BRWD3: variants seen among roughly 807,000 people sequenced by gnomAD.
BRWD3 encodes bromodomain and WD repeat domain containing 3.
BRWD3 carries 10 observed loss-of-function variants against 149.7 expected under a neutral mutation model. That is an observed-to-expected ratio of 0.07 (90% CI 0.04 to 0.11). The LOEUF (loss-of-function observed/expected upper bound fraction) is 0.11, where lower values mean the gene tolerates loss of function less well. BRWD3 is among the 10% of genes least tolerant of loss of function. The probability of loss-of-function intolerance (pLI) is 1.00; values close to 1 mark genes in which losing one functional copy is unlikely to be tolerated. For missense variants in BRWD3, 940 were observed against 1,373.2 expected (o/e 0.68, Z 4.99); for synonymous variants, 504 against 456.7 (o/e 1.10, Z -1.32).
rs774623401 is a variant in BRWD3 at position 80,683,964 on chromosome X, T to C, written c.4233+46A>G. On this transcript the variant is annotated intron_variant, in intron 37 of 40. Coordinates refer to ENST00000373275, the MANE Select transcript of BRWD3 (RefSeq NM_153252.5). ...ATACTGAGGACCAATTTTCAGTAAC[T>C]GGTTAAAGAAAACTGCCTGATAATT... 3.4e-6 allele frequency: 4 copies of C among 1,165,652 alleles called. No individual in the cohort carries two copies. In the South Asian group the frequency reaches 7.2e-5, roughly 21 times the overall value.
chrX:80,792,029 TTTTAA>T (rs2074187587), intron 5 of BRWD3, 77 bp from the exon 6 acceptor site: 14 of 612,963 alleles, frequency 2.3e-5, no homozygotes, highest in East Asian at 3.6e-5. Context: ...AAATGTCTGA[TTTTAA>T]TTTAATTTGT....
intron 6 of BRWD3, among the ~76,000 whole-genome samples, chrX:80,765,772 A>T (rs888947032): frequency 1.8e-5 from 2 of 112,018 alleles, no homozygotes; most frequent in Admixed American, 1.9e-4. Context: ...TACAGAGAAA[A>T]GTAAACACCA....
intron 7 of BRWD3, 73 bp downstream of exon 7, chrX:80,745,496 T>C (rs1223796056): frequency 4.0e-6 from 4 of 998,358 alleles, no homozygotes; most frequent in African/African-American, 1.9e-5. Context: ...CAAAGCACAA[T>C]GCAATGCCAT....
chrX:80,703,492 T>C lies in BRWD3; in HGVS notation c.2823A>G (p.Gln941=), dbSNP rs771373177. The part of the protein sequence containing the change: ...TIPRRSPFVP[Q]MGDELIYFRQ... ...AGGTAATAATTACCTCATCTCCCAT[T>C]TGTGGGACAAATGGGGAACGTCGGG... Residue 941 remains glutamine, a synonymous_variant, in exon 24 of 41, where the codon CAA becomes CAG. Coordinates refer to ENST00000373275, the MANE Select transcript of BRWD3 (RefSeq NM_153252.5). 33 of 1,197,281 alleles carry C rather than the reference T, an allele frequency of 2.8e-5. No individual in the cohort carries two copies. The Admixed American group carries it at 4.4e-4, about 16-fold the overall frequency.
intron 6 of BRWD3, among the ~76,000 whole-genome samples, chrX:80,781,911 T>C (rs958453761): frequency 8.9e-6 from 1 of 111,846 alleles, no homozygotes; most frequent in Non-Finnish European, 1.9e-5. Flanking sequence ...GAATCATTAT[T>C]GTTAAAATGT....
At position 80,712,299 on chromosome X, in the gene BRWD3, C is replaced by G. The variant is rs748632901; in HGVS notation, c.2326-2722G>C. Among the ~76,000 whole-genome samples the G allele has an allele frequency of 1.2e-3, 135 of 111,044 alleles. 2 individuals carry two copies. The highest frequency in any genetic ancestry group is 4.0e-3 in the African/African-American group (123 of 30,502). On this transcript the variant is annotated intron_variant, in intron 20 of 40. Transcript: ENST00000373275. ...GAGTGCCTGTGATTGCAGGCACGCG[C>G]CGCCACACCTGACTGGTTTTCGTAT... is the stretch of plus-strand genomic sequence containing the variant.
At chrX:80,732,096 T>C (rs1293718599) in intron 12 of BRWD3, among the ~76,000 whole-genome samples, 1 of 110,799 alleles carries the variant, frequency 9.0e-6, no homozygotes, top group Non-Finnish European at 1.9e-5. Context: ...ATAAAATTAC[T>C]TTCAGGCTAC....
intron 25 of BRWD3, 26 bp downstream of exon 25, chrX:80,699,931 A>G (rs1011271503): frequency 1.6e-5 from 18 of 1,107,293 alleles, no homozygotes; most frequent in African/African-American, 7.2e-5. Context: ...CTTCCATTGC[A>G]TAGCTTATGA....
At chrX:80,769,513 A>G (rs1285394128) in intron 6 of BRWD3, among the ~76,000 whole-genome samples, 1 of 111,833 alleles carries the variant, frequency 8.9e-6, no homozygotes, top group African/African-American at 3.3e-5. Context: ...AATGAAATGA[A>G]GGCAGAAAAA....
intron 6 of BRWD3, among the ~76,000 whole-genome samples, chrX:80,758,407 G>A (rs1254846756): frequency 9.0e-6 from 1 of 111,287 alleles, no homozygotes. Context: ...ACTCTGCCAA[G>A]TTTGGGAGCC....
Position 80,687,498 on chromosome X carries a change from A to T in BRWD3, c.3865-495T>A, listed in dbSNP as rs140124797. On this transcript the variant is annotated intron_variant, in intron 34 of 40. Transcript: ENST00000373275. Reference sequence around the variant, plus strand: ...ATTGTCCCTTATATAAAATAACTACATGTCTAATTATTATAGAGCAGAAGT... The same window carrying T: ...ATTGTCCCTTATATAAAATAACTACTTGTCTAATTATTATAGAGCAGAAGT... 7.0e-3 allele frequency among the ~76,000 whole-genome samples: 779 copies of T among 111,353 alleles called. 7 individuals are homozygous for T. The highest frequency in any genetic ancestry group is 0.024 in the African/African-American group (738 of 30,675).
chrX:80,799,195 T>C (rs2074269027), intron 4 of BRWD3, among the ~76,000 whole-genome samples: 1 of 111,881 alleles, frequency 8.9e-6, no homozygotes, highest in Admixed American at 9.5e-5. Context: ...TTATGACAAC[T>C]GAGAAAATCA....
chrX:80,729,842 A>G, intron 13 of BRWD3, 74 bp downstream of exon 13: 2 of 718,957 alleles, frequency 2.8e-6, no homozygotes, highest in Non-Finnish European at 4.3e-6. Context: ...GTAAAAAGAT[A>G]TTTTATATTC....
intron 6 of BRWD3, among the ~76,000 whole-genome samples, chrX:80,756,192 T>C (rs1313671234): frequency 3.6e-5 from 4 of 111,067 alleles, no homozygotes; most frequent in Non-Finnish European, 7.5e-5. Context: ...TGATTGTTAA[T>C]ATAAACAAGT....
Position 80,728,830 on chromosome X carries a change from G to A in BRWD3, c.1308C>T (p.Thr436=), listed in dbSNP as rs755345704. ...AATTGTTCACTGCAGTAATAACTGT[G>A]GTATCATAGCGATCCCAGGCCACCA... ...VTMVAWDRYD[T]TVITAVNNFL... is the part of the protein sequence containing the mutation. The change falls in exon 14 of 41, where the codon ACC becomes ACT. Residue 436 remains threonine, a synonymous_variant. Coordinates refer to ENST00000373275, the MANE Select transcript of BRWD3 (RefSeq NM_153252.5). The A allele has an allele frequency of 1.9e-5, 23 of 1,205,280 alleles. No homozygotes were observed. In the East Asian group the frequency reaches 6.2e-4, roughly 33 times the overall value.
rs6616700 is a variant in BRWD3, at chrX:80,743,847, A to T, written c.813+185T>A. The T allele has an allele frequency of 0.038, 14,985 of 394,216 alleles. 949 individuals carry two copies. Among genetic ancestry groups the T allele is most frequent in the African/African-American group, 0.21 (8,121 of 39,012 alleles). 32.5% of individuals were successfully genotyped at this position (394,216 alleles called of 1,213,427 possible). A position where few individuals can be genotyped will look rare whatever the true frequency, so the allele number is the denominator to read the frequency against. ...TAAATCATCTTTTTAGTTATTTATT[A>T]AAAAAGATAATCATATGAAAAAGGA... On this transcript the variant is annotated intron_variant, in intron 8 of 40. Coordinates refer to ENST00000373275, the MANE Select transcript of BRWD3 (RefSeq NM_153252.5).
Position 80,723,796 on chromosome X carries a change from A to G in BRWD3, c.1602T>C (p.His534=). Residue 534 remains histidine, a synonymous_variant, in exon 16 of 41, where the codon CAT becomes CAC. Transcript: ENST00000373275. The stretch of plus-strand genomic sequence containing the variant: ...CAAAACCAAAAAGCAGCAAATGTCC[A>G]TGAGAATCTGTGCAGGCAAAATGGT... The part of the protein sequence containing the change: ...DGNHFACTDS[H]GHLLLFGFGC... 8.3e-7 allele frequency: 1 copy of G among 1,210,894 alleles called. No homozygotes were observed. The highest frequency in any genetic ancestry group is 1.8e-5 in the South Asian group (1 of 56,998).
intron 24 of BRWD3, among the ~76,000 whole-genome samples, chrX:80,702,354 T>A (rs1426596707): frequency 8.9e-6 from 1 of 112,229 alleles, no homozygotes; most frequent in Non-Finnish European, 1.9e-5. Context: ...AGAAAAATAG[T>A]CCTTAGACAG....
intron 40 of BRWD3, among the ~76,000 whole-genome samples, chrX:80,678,151 T>C (rs1255515624): frequency 8.9e-6 from 1 of 112,081 alleles, no homozygotes; most frequent in Non-Finnish European, 1.9e-5. Context: ...GAGAGACCAG[T>C]TGGGCATCCA....
Sources: allele counts gnomAD v4.1 joint callset (sites outside exome capture counted in the v4.1 genomes callset), GRCh38; gene constraint gnomAD v4.1.1; transcripts MANE v1.5; gene names NCBI Gene and HGNC (gene_info 2026-07-23, HGNC 2026-07-21).